SMARCA2: variants seen among roughly 807,000 people sequenced by gnomAD.
SMARCA2 encodes the protein SWI/SNF related BAF chromatin remodeling complex subunit ATPase 2, also known as SWI/SNF-related matrix-associated actin-dependent regulator of chromatin subfamily A member 2.
SMARCA2 carries 61 observed loss-of-function variants against 199.8 expected under a neutral mutation model. The observed-to-expected ratio is 0.31, with a 90% confidence interval of 0.25 to 0.38. The LOEUF is 0.38. Among genes scored for constraint, SMARCA2 ranks in the 10% least tolerant of loss-of-function variants. The probability of loss-of-function intolerance (pLI) is 1.00; values close to 1 mark genes in which losing one functional copy is unlikely to be tolerated. For missense variants in SMARCA2, 1,344 were observed against 2,012.2 expected, an observed-to-expected ratio of 0.67 and a Z score of 6.35; for synonymous variants, 935 against 732.0, an observed-to-expected ratio of 1.28 and a Z score of -4.48.
At chr9:2,025,422 C>T (rs771391300) in intron 1 of SMARCA2, among the ~76,000 whole-genome samples, 9 of 152,102 alleles carry the variant, frequency 5.9e-5, no homozygotes, top group Non-Finnish European at 1.0e-4. Flanking sequence ...TCTGTGACAA[C>T]GGGAAACTCC....
chr9:2,044,507 A>C (rs1819750761), intron 4 of SMARCA2: 1 of 152,246 alleles, frequency 6.6e-6, no homozygotes, highest in Non-Finnish European at 1.5e-5. Flanking sequence ...TGAGTCAATT[A>C]GGCTTCTTTA....
chr9:2,191,184 A>T, intron 32 of SMARCA2, 82 bp from the exon 33 acceptor site: 1 of 1,304,714 alleles, frequency 7.7e-7, no homozygotes, highest in Non-Finnish European at 1.1e-6. Context: ...TGTTGTCTGT[A>T]GGTTGGTGAT....
chr9:2,170,412 A>T lies in SMARCA2; in HGVS notation c.4200-7A>T. On this transcript the variant is annotated splice_polypyrimidine_tract_variant and splice_region_variant and intron_variant, in intron 28 of 33. Coordinates refer to ENST00000349721, the MANE Select transcript of SMARCA2 (RefSeq NM_003070.5). The surrounding 1 kb of genome is among the most constrained non-coding windows in gnomAD (Gnocchi z 4.7). The stretch of plus-strand genomic sequence containing the variant: ...CTGACTCTAGTGTTCTTTCTACTCT[A>T]CCGCAGGTGTAACGTGGAGAAGGTG... The T allele has an allele frequency of 6.2e-7, 1 of 1,614,080 alleles. No homozygotes were observed. The highest frequency in any genetic ancestry group is 1.1e-5 in the South Asian group (1 of 91,066).
chr9:2,136,987 C>T (rs1330472440), intron 27 of SMARCA2, among the ~76,000 whole-genome samples: 1 of 152,174 alleles, frequency 6.6e-6, no homozygotes, highest in Non-Finnish European at 1.5e-5. Flanking sequence ...AGCAGTCTGG[C>T]CTCCAGACAC....
chr9:2,093,414 C>A (rs531589195), intron 19 of SMARCA2, among the ~76,000 whole-genome samples: 1 of 152,062 alleles, frequency 6.6e-6, no homozygotes, highest in African/African-American at 2.4e-5. Context: ...TGTCTGAAAG[C>A]GAGTCATGTG....
chr9:2,032,924 T>A (rs745948775), intron 2 of SMARCA2, 28 bp from the exon 3 acceptor site: 1 of 1,606,658 alleles, frequency 6.2e-7, no homozygotes, highest in South Asian at 1.1e-5. Context: ...TATAGAGGTG[T>A]CTAACTAATG....
Position 2,088,599 on chromosome 9 carries a change from C to A in SMARCA2, c.2869C>A (p.Gln957Lys). The change falls in exon 19 of 34, where the codon CAG (glutamine) becomes AAG (lysine). Residue 957 changes from glutamine to lysine, a missense_variant. Physicochemically the swap from Gln to Lys is moderately conservative, Grantham distance 53 (BLOSUM62 1). Around this residue, in one of 18 missense-constraint regions of SMARCA2, gnomAD observed 98 missense variants for 245.6 expected, o/e 0.40. Transcript: ENST00000349721. The stretch of plus-strand genomic sequence containing the variant: ...GAGACTGAAGAAAGAAGTTGAATCC[C>A]AGCTTCCCGAAAAAGTATGTTGCAC... ...LRRLKKEVESQLPEKVEYVIK... is the reference protein window; with the variant it reads ...LRRLKKEVESKLPEKVEYVIK... 1 of 1,587,456 alleles carries A rather than the reference C, an allele frequency of 6.3e-7. No homozygotes were observed.
chr9:2,103,661 TGAGAGAGA>T (rs34122859), intron 22 of SMARCA2, among the ~76,000 whole-genome samples: 6 of 142,334 alleles, frequency 4.2e-5, no homozygotes, highest in Middle Eastern at 3.5e-3. Flanking sequence ...TGTGTGTGTG[TGAGAGAGA>T]GAGAGAGAGA....
rs531720992 is a variant in SMARCA2 at position 2,102,773 on chromosome 9, T to C, written c.3125+1157T>C. The stretch of plus-strand genomic sequence containing the variant: ...TTACATGACGTCCATAGTGATCTTA[T>C]AAAAAGGTACGCCAGACCTCATCAC... On this transcript the variant is annotated intron_variant, in intron 22 of 33. Coordinates refer to ENST00000349721, the MANE Select transcript of SMARCA2 (RefSeq NM_003070.5). 2.0e-5 allele frequency among the ~76,000 whole-genome samples: 3 copies of C among 152,258 alleles called. No homozygotes were observed. In the East Asian group the frequency reaches 5.8e-4, roughly 29 times the overall value.
Position 2,123,689 on chromosome 9 carries a change from T to C in SMARCA2, c.3763-30T>C, listed in dbSNP as rs1161238355. ...GTCTGCACCATACAGAAGCCCTGACTTTCGGTGACCCTCTTATTAATGTCT... is the reference window on the plus strand; with the variant it reads ...GTCTGCACCATACAGAAGCCCTGACCTTCGGTGACCCTCTTATTAATGTCT... On this transcript the variant is annotated intron_variant, in intron 26 of 33. Transcript: ENST00000349721. The surrounding 1 kb of genome is among the most constrained non-coding windows in gnomAD (Gnocchi z 4.1). The C allele has an allele frequency of 2.5e-6, 4 of 1,603,320 alleles. No individual in the cohort carries two copies. Among genetic ancestry groups the C allele is most frequent in the Admixed American group, 1.7e-5 (1 of 59,822 alleles).
At chr9:2,103,351 C>T (rs1388558267) in intron 22 of SMARCA2, among the ~76,000 whole-genome samples, 4 of 152,092 alleles carry the variant, frequency 2.6e-5, no homozygotes, top group Non-Finnish European at 5.9e-5. Context: ...CAGACGGGGC[C>T]AAAGGTTGCC....
At position 2,058,519 on chromosome 9, in the gene SMARCA2, A is replaced by G. The variant is rs142396250; in HGVS notation, c.1521+55A>G. The G allele has an allele frequency of 1.1e-3, 1,615 of 1,421,550 alleles. 11 individuals carry two copies. The African/African-American group carries it at 0.015, about 13-fold the overall frequency. 88.1% of individuals were successfully genotyped at this position (1,421,550 alleles called of 1,614,324 possible). On this transcript the variant is annotated intron_variant, in intron 8 of 33. Coordinates refer to ENST00000349721, the MANE Select transcript of SMARCA2 (RefSeq NM_003070.5). The stretch of plus-strand genomic sequence containing the variant: ...ACTACTCAACCCACGTCCGTCTGCA[A>G]TGAGACCATTAAATATGGTGGTAGT...
At chr9:2,091,403 C>G (rs549044329) in intron 19 of SMARCA2, among the ~76,000 whole-genome samples, 1 of 152,120 alleles carries the variant, frequency 6.6e-6, no homozygotes, top group Non-Finnish European at 1.5e-5. Context: ...TTTAATTTGG[C>G]AAAATGTGTT....
chr9:2,037,670 A>C (rs1265408844), intron 3 of SMARCA2, among the ~76,000 whole-genome samples: 1 of 152,166 alleles, frequency 6.6e-6, no homozygotes, highest in African/African-American at 2.4e-5. Context: ...AATTTTTCTT[A>C]GGTTCGGGCA....
At chr9:2,150,382 C>G (rs1322789504) in intron 27 of SMARCA2, among the ~76,000 whole-genome samples, 1 of 151,636 alleles carries the variant, frequency 6.6e-6, no homozygotes, top group East Asian at 1.9e-4. Flanking sequence ...AGGCCCCACA[C>G]AAGCTTAGAG....
Position 2,161,985 on chromosome 9 carries a change from T to C in SMARCA2, c.4199+82T>C. ...CCCTGAGGAGCAGGAGTTGTTAAGT[T>C]GTGCACTTAGGTTTTATTAAGGTTC... On this transcript the variant is annotated intron_variant, in intron 28 of 33. Transcript: ENST00000349721. This position sits in a 1 kb window ranked among gnomAD's most constrained non-coding sequence, Gnocchi z 4.7. 2 of 1,134,938 alleles carry C rather than the reference T, an allele frequency of 1.8e-6. No individual in the cohort carries two copies. Among genetic ancestry groups the C allele is most frequent in the Non-Finnish European group, 2.5e-6 (2 of 784,932 alleles). The allele number at this position is 1,134,938 out of a possible 1,614,324, so 70.3% of individuals were successfully genotyped here.
chr9:2,167,372 C>G (rs1339602305), intron 28 of SMARCA2, among the ~76,000 whole-genome samples: 1 of 152,250 alleles, frequency 6.6e-6, no homozygotes, highest in Non-Finnish European at 1.5e-5. Flanking sequence ...TCCTCCCTCT[C>G]TATCAATTGC....
At chr9:2,174,670 C>A (rs1225392547) in intron 29 of SMARCA2, among the ~76,000 whole-genome samples, 3 of 152,032 alleles carry the variant, frequency 2.0e-5, no homozygotes, top group African/African-American at 7.2e-5. Context: ...CTGTAATTCC[C>A]AGCACTTTGG....
intron 5 of SMARCA2, among the ~76,000 whole-genome samples, chr9:2,048,361 C>T (rs10122060): frequency 0.24 from 36,018 of 152,062 alleles, 4,614 homozygotes; most frequent in African/African-American, 0.35. Context: ...TGTCTCTTTT[C>T]TGTGACTCAG....
Sources: allele counts gnomAD v4.1 joint callset (sites outside exome capture counted in the v4.1 genomes callset), GRCh38; gene constraint gnomAD v4.1.1; regional missense constraint gnomAD v4.1.1; non-coding constraint Gnocchi (gnomAD v3.1); transcripts MANE v1.5; gene names NCBI Gene and HGNC (gene_info 2026-07-23, HGNC 2026-07-21).